CDC42SE2: variants seen among roughly 807,000 people sequenced by gnomAD.
CDC42SE2 encodes the protein CDC42 small effector protein 2.
In CDC42SE2, 3 loss-of-function variants were observed where a neutral mutation model predicts 11.5. The observed-to-expected ratio is 0.26, with a 90% CI of 0.12 to 0.67. The LOEUF (loss-of-function observed/expected upper bound fraction) is 0.67, where lower values mean the gene tolerates loss of function less well. CDC42SE2 is among the 30% of genes least tolerant of loss of function. The pLI is 0.80. For missense variants in CDC42SE2, 82 were observed against 106.8 expected (o/e 0.77, Z 1.02); for synonymous variants, 33 against 34.8 (o/e 0.95, Z 0.18).
chr5:131,273,827 G>A, intron 1 of CDC42SE2, among the ~76,000 whole-genome samples: 1 of 151,950 alleles, frequency 6.6e-6, no homozygotes, highest in Non-Finnish European at 1.5e-5. Flanking sequence ...CTCCAGGCTG[G>A]AGTACAGTGG....
At chr5:131,389,153 G>T (rs1394665088) in intron 4 of CDC42SE2, among the ~76,000 whole-genome samples, 4 of 152,100 alleles carry the variant, frequency 2.6e-5, no homozygotes, top group African/African-American at 9.7e-5. Context: ...TGTTTTTTAA[G>T]CCAGGCCTAA....
intron 1 of CDC42SE2, among the ~76,000 whole-genome samples, chr5:131,276,281 CAAAAAA>C (rs59001427): frequency 4.8e-5 from 6 of 126,148 alleles, no homozygotes; most frequent in African/African-American, 1.5e-4. Context: ...ACCCCATCTA[CAAAAAA>C]AAAAAAAAAA....
chr5:131,299,564 G>A (rs939529537), intron 1 of CDC42SE2, among the ~76,000 whole-genome samples: 23 of 152,198 alleles, frequency 1.5e-4, no homozygotes, highest in African/African-American at 5.5e-4. Flanking sequence ...GAAAGAAGCA[G>A]AGTTGAGTTA....
At chr5:131,329,244 A>G (rs2149739858) in intron 2 of CDC42SE2, among the ~76,000 whole-genome samples, 1 of 152,084 alleles carries the variant, frequency 6.6e-6, no homozygotes, top group East Asian at 1.9e-4. Context: ...TTTAAGTCCT[A>G]CCTCTGCTTC....
At chr5:131,216,509 A>AAAAAAC in the CDC42SE2 span, among the ~76,000 whole-genome samples, 1,292 of 133,226 alleles carry the variant, frequency 9.7e-3, 57 homozygotes, top group African/African-American at 0.033. Context: ...CTCAAAAAAA[A>AAAAAAC]AAAAAAAAAA....
intron 4 of CDC42SE2, among the ~76,000 whole-genome samples, chr5:131,388,895 G>A (rs1436892970): frequency 3.3e-5 from 5 of 152,080 alleles, no homozygotes; most frequent in Non-Finnish European, 7.4e-5. Flanking sequence ...TGTTGCCCAG[G>A]CTGGAGTGCT....
chr5:131,319,669 A>G (rs1417134145), intron 2 of CDC42SE2, among the ~76,000 whole-genome samples: 1 of 152,194 alleles, frequency 6.6e-6, no homozygotes, highest in Non-Finnish European at 1.5e-5. Flanking sequence ...ATCCCGATAA[A>G]ATTTTTAAAA....
At chr5:131,250,483 A>ATATTGT (rs1756630963) in intron 1 of CDC42SE2, among the ~76,000 whole-genome samples, 1 of 152,238 alleles carries the variant, frequency 6.6e-6, no homozygotes, top group Non-Finnish European at 1.5e-5. Context: ...TCTGAAAATC[A>ATATTGT]TATTGTTATT....
chr5:131,369,799 C>T (rs1749966262), intron 3 of CDC42SE2, among the ~76,000 whole-genome samples: 2 of 152,176 alleles, frequency 1.3e-5, no homozygotes, highest in Non-Finnish European at 2.9e-5. Context: ...TATTCCATTT[C>T]TATTACAGTG....
At chr5:131,370,609 G>A (rs1292394767) in intron 3 of CDC42SE2, among the ~76,000 whole-genome samples, 1 of 151,872 alleles carries the variant, frequency 6.6e-6, no homozygotes, top group East Asian at 1.9e-4. Flanking sequence ...AGGCATGAGC[G>A]ACTTAGCCTG....
At chr5:131,270,412 A>G (rs1456783113) in intron 1 of CDC42SE2, among the ~76,000 whole-genome samples, 1 of 152,138 alleles carries the variant, frequency 6.6e-6, no homozygotes, top group Non-Finnish European at 1.5e-5. Context: ...ACAACATAAA[A>G]TTATTTTTGT....
chr5:131,308,854 A>G (rs2149722103), intron 1 of CDC42SE2, among the ~76,000 whole-genome samples: 1 of 152,234 alleles, frequency 6.6e-6, no homozygotes, highest in East Asian at 1.9e-4. Context: ...GGCTGAGATG[A>G]TGGGGTTTTC....
intron 3 of CDC42SE2, among the ~76,000 whole-genome samples, chr5:131,365,492 G>A (rs1306244954): frequency 6.6e-6 from 1 of 152,100 alleles, no homozygotes; most frequent in Non-Finnish European, 1.5e-5. Context: ...GCACAGATTT[G>A]TATAGAACTT....
At chr5:131,345,041 G>C (rs191067814) in intron 2 of CDC42SE2, among the ~76,000 whole-genome samples, 2 of 152,242 alleles carry the variant, frequency 1.3e-5, no homozygotes, top group East Asian at 3.9e-4. Flanking sequence ...CCACAAATAT[G>C]GGGAGAAACT....
In CDC42SE2 at chr5:131,310,405, G is replaced by GA. The variant is rs1037016728; in HGVS notation, c.-454-5564dup. ...TTTGGAATAGGTGTGGTGTGGTGCT[G>GA]AAAAAAATGTATATTCTGTTGATTT... On this transcript the variant is annotated intron_variant, in intron 1 of 4. Transcript: ENST00000505065. Among the ~76,000 whole-genome samples, 31 of 151,812 alleles carry GA rather than the reference G, an allele frequency of 2.0e-4. No homozygotes were observed. The Middle Eastern group carries it at 0.01, about 50-fold the overall frequency.
chr5:131,349,177 A>C (rs890760677), intron 2 of CDC42SE2, among the ~76,000 whole-genome samples: 2 of 152,282 alleles, frequency 1.3e-5, no homozygotes, highest in East Asian at 3.9e-4. Flanking sequence ...AAAAAGGATG[A>C]GTTCATATCC....
chr5:131,310,980 CATTATGATGTT>C (rs988099596), intron 1 of CDC42SE2, among the ~76,000 whole-genome samples: 2 of 150,378 alleles, frequency 1.3e-5, no homozygotes, highest in African/African-American at 4.9e-5. Flanking sequence ...TTGATCCTGT[CATTATGATGTT>C]AGCTGGTTAT....
rs1205539552 is a variant in CDC42SE2 at position 131,264,057 on chromosome 5, A to G, written c.-564A>G. ...CCTGGGCGGGGAGGGGGAGCCAGGA[A>G]GCTGCGAGCGCGCTGGGGAGCGCAG... On this transcript the variant is annotated 5_prime_UTR_variant, in exon 1 of 5. Coordinates refer to ENST00000505065, the MANE Select transcript of CDC42SE2 (RefSeq NM_001375635.1). 6.6e-6 allele frequency: 1 copy of G among 151,794 alleles called. No individual in the cohort carries two copies. Among genetic ancestry groups the G allele is most frequent in the East Asian group, 1.9e-4 (1 of 5,134 alleles). The allele number at this position is 151,794 out of a possible 1,614,324, so 9.4% of individuals were successfully genotyped here.
chr5:131,347,916 T>C (rs781340710), intron 2 of CDC42SE2, among the ~76,000 whole-genome samples: 2 of 152,224 alleles, frequency 1.3e-5, no homozygotes, highest in Non-Finnish European at 2.9e-5. Flanking sequence ...TCTCAATAGA[T>C]GCAGAAAAGG....
Sources: allele counts gnomAD v4.1 joint callset (sites outside exome capture counted in the v4.1 genomes callset), GRCh38; gene constraint gnomAD v4.1.1; transcripts MANE v1.5; gene names NCBI Gene and HGNC (gene_info 2026-07-23, HGNC 2026-07-21).